The following GMDS variants were observed in gnomAD, a reference collection of about 807,000 sequenced individuals.
The protein encoded by GMDS is GDP-mannose 4,6 dehydratase.
In GMDS, 20 loss-of-function variants were observed where a neutral mutation model predicts 49.9. That is an observed-to-expected ratio of 0.40 (90% CI 0.28 to 0.58). The LOEUF (loss-of-function observed/expected upper bound fraction) is 0.58, where lower values mean the gene tolerates loss of function less well. GMDS is among the 20% of genes least tolerant of loss of function. The probability of loss-of-function intolerance (pLI) is 0.42; values close to 1 mark genes in which losing one functional copy is unlikely to be tolerated. For synonymous variants in GMDS, 177 were observed against 178.6 expected (o/e 0.99, Z 0.07); for missense variants, 362 against 481.4 (o/e 0.75, Z 2.32).
At chr6:1,790,213 A>G (rs1769480923) in intron 7 of GMDS, among the ~76,000 whole-genome samples, 1 of 152,172 alleles carries the variant, frequency 6.6e-6, no homozygotes, top group South Asian at 2.1e-4. Context: ...TCAGAAAGAA[A>G]TTTTCAGCAT....
rs114401509 is a variant in GMDS at position 2,147,739 on chromosome 6, C to T, written c.103-23008G>A. 5.7e-3 allele frequency among the ~76,000 whole-genome samples: 859 copies of T among 151,130 alleles called. 2 individuals carry two copies. Among genetic ancestry groups the T allele is most frequent in the Middle Eastern group, 0.017 (5 of 294 alleles). Reference sequence around the variant, plus strand: ...ATTTCTTAATGAGATGCTTACAAAGCAGATCATGCTACAAAACACAGACCT... The same window carrying T: ...ATTTCTTAATGAGATGCTTACAAAGTAGATCATGCTACAAAACACAGACCT... On this transcript the variant is annotated intron_variant, in intron 1 of 10. Transcript: ENST00000380815.
chr6:2,062,497 C>A (rs901626812), intron 4 of GMDS, among the ~76,000 whole-genome samples: 6 of 151,716 alleles, frequency 4.0e-5, no homozygotes, highest in African/African-American at 1.5e-4. Flanking sequence ...CAAGAAGAAC[C>A]GTGACAGATA....
chr6:2,222,522 T>C (rs1780639711), intron 1 of GMDS, among the ~76,000 whole-genome samples: 1 of 152,222 alleles, frequency 6.6e-6, no homozygotes, highest in Admixed American at 6.5e-5. Context: ...GCTTGGTCCT[T>C]GAGGCATACT....
At chr6:1,784,777 C>CA (rs1769255139) in intron 7 of GMDS, among the ~76,000 whole-genome samples, 1 of 152,218 alleles carries the variant, frequency 6.6e-6, no homozygotes, top group Admixed American at 6.5e-5. Flanking sequence ...GCTGACCACC[C>CA]AGCAGCAAGC....
At chr6:1,940,407 TC>T (rs1472317984) in intron 6 of GMDS, among the ~76,000 whole-genome samples, 1 of 152,220 alleles carries the variant, frequency 6.6e-6, no homozygotes, top group Admixed American at 6.5e-5. Context: ...CACATGAACC[TC>T]CGCCTTGGGG....
chr6:1,709,180 G>A (rs553795651), intron 9 of GMDS, among the ~76,000 whole-genome samples: 2 of 152,382 alleles, frequency 1.3e-5, no homozygotes, highest in East Asian at 1.9e-4. Flanking sequence ...AGAAAAGGCA[G>A]GAGACAGTGT....
intron 1 of GMDS, among the ~76,000 whole-genome samples, chr6:2,218,675 T>C (rs1561665918): frequency 6.6e-6 from 1 of 152,354 alleles, no homozygotes; most frequent in South Asian, 2.1e-4. Flanking sequence ...ATATTTAATA[T>C]GCACAATTGT....
In GMDS at chr6:1,772,448, G is replaced by T. The variant is rs143671223; in HGVS notation, c.772-29862C>A. Among the ~76,000 whole-genome samples the T allele has an allele frequency of 2.0e-5, 3 of 152,292 alleles. No individual in the cohort carries two copies. In the East Asian group the frequency reaches 5.8e-4, roughly 29 times the overall value. On this transcript the variant is annotated intron_variant, in intron 7 of 10. Transcript: ENST00000380815. ...AAGGCAAGTTTCAAATCCAAAAGGG[G>T]CCATTAAAGGATTTCACTGGGTACT...
Position 1,635,278 on chromosome 6 carries a change from C to T in GMDS, c.988-10738G>A, listed in dbSNP as rs912565696. ...CCGTTTCACATGTCCTGGCTATGCT[C>T]CTGTGAAAGGCAGGCTGAGGGGAAA... On this transcript the variant is annotated intron_variant, in intron 9 of 10. Transcript: ENST00000380815. The surrounding 1 kb of genome is among the most constrained non-coding windows in gnomAD (Gnocchi z 4.7). 1.3e-5 allele frequency among the ~76,000 whole-genome samples: 2 copies of T among 152,164 alleles called. No individual in the cohort carries two copies. The highest frequency in any genetic ancestry group is 2.9e-5 in the Non-Finnish European group (2 of 68,032).
At chr6:2,120,122 C>T (rs185967150) in intron 2 of GMDS, among the ~76,000 whole-genome samples, 1 of 152,322 alleles carries the variant, frequency 6.6e-6, no homozygotes, top group East Asian at 1.9e-4. Context: ...CAATAGCTAA[C>T]ACTTACACAG....
At chr6:1,624,580 TG>T (rs778329130) in intron 9 of GMDS, 40 bp from the exon 10 acceptor site, 23 of 1,395,928 alleles carry the variant, frequency 1.6e-5, no homozygotes, top group Non-Finnish European at 2.2e-5. Context: ...GCGTGGGTCG[TG>T]GGGGTGGGGG....
intron 7 of GMDS, among the ~76,000 whole-genome samples, chr6:1,769,780 A>G (rs1198698705): frequency 6.6e-6 from 1 of 152,074 alleles, no homozygotes; most frequent in East Asian, 1.9e-4. Flanking sequence ...TCCACAACCA[A>G]AAAATGCGTG....
At chr6:1,781,228 C>T (rs1377458425) in intron 7 of GMDS, among the ~76,000 whole-genome samples, 2 of 152,200 alleles carry the variant, frequency 1.3e-5, no homozygotes, top group African/African-American at 2.4e-5. Flanking sequence ...CTGCCTGGCT[C>T]CCTGCCTTCG....
At chr6:2,201,254 C>G (rs917569396) in intron 1 of GMDS, among the ~76,000 whole-genome samples, 2 of 137,806 alleles carry the variant, frequency 1.5e-5, no homozygotes, top group Non-Finnish European at 3.1e-5. Context: ...GTGAGGGCAG[C>G]ATGTTAGCAG....
At chr6:1,784,126 C>A (rs1769217550) in intron 7 of GMDS, among the ~76,000 whole-genome samples, 1 of 151,954 alleles carries the variant, frequency 6.6e-6, no homozygotes, top group Non-Finnish European at 1.5e-5. Flanking sequence ...TATTTTTGTC[C>A]ATTTAAAAAG....
At chr6:1,850,022 A>G (rs902258976) in intron 7 of GMDS, among the ~76,000 whole-genome samples, 3 of 152,216 alleles carry the variant, frequency 2.0e-5, no homozygotes, top group South Asian at 4.1e-4. Context: ...TTGTTTCCCC[A>G]TAAATGATCA....
intron 7 of GMDS, among the ~76,000 whole-genome samples, chr6:1,851,343 T>C (rs1289351625): frequency 1.3e-5 from 2 of 152,216 alleles, no homozygotes; most frequent in East Asian, 3.8e-4. Flanking sequence ...AAAACGTGTA[T>C]TTTATTGCAA....
chr6:2,004,426 G>A (rs1230232237), intron 4 of GMDS, among the ~76,000 whole-genome samples: 1 of 152,046 alleles, frequency 6.6e-6, no homozygotes, highest in African/African-American at 2.4e-5. Flanking sequence ...GTAAAATGTA[G>A]CCATTTTTTG....
chr6:1,741,573 G>T lies in GMDS; in HGVS notation c.890+895C>A, dbSNP rs542956905. Among the ~76,000 whole-genome samples the T allele has an allele frequency of 2.6e-5, 4 of 152,094 alleles. No individual in the cohort carries two copies. The East Asian group carries it at 7.8e-4, about 30-fold the overall frequency. On this transcript the variant is annotated intron_variant, in intron 8 of 10. Transcript: ENST00000380815. Reference sequence around the variant, plus strand: ...TGCCTGTAATCCCAGCACTTTGGGAGGCCAAGGCGGGTGGATCACCTGAGG... The same window carrying T: ...TGCCTGTAATCCCAGCACTTTGGGATGCCAAGGCGGGTGGATCACCTGAGG...
Sources: allele counts gnomAD v4.1 joint callset (sites outside exome capture counted in the v4.1 genomes callset), GRCh38; gene constraint gnomAD v4.1.1; non-coding constraint Gnocchi (gnomAD v3.1); transcripts MANE v1.5; gene names NCBI Gene and HGNC (gene_info 2026-07-23, HGNC 2026-07-21).